ZNF208: variants seen among roughly 807,000 people sequenced by gnomAD.
ZNF208 encodes the protein zinc finger protein 95.
In ZNF208, 10 loss-of-function variants were observed where a neutral mutation model predicts 12.1. The ratio of observed to expected loss-of-function variants is 0.83; its 90% CI spans 0.51 to 1.40. The LOEUF (loss-of-function observed/expected upper bound fraction) is 1.40, where lower values mean the gene tolerates loss of function less well. ZNF208 is among the 40% of genes most tolerant of loss of function. The probability of loss-of-function intolerance (pLI) is 0.00; values close to 1 mark genes in which losing one functional copy is unlikely to be tolerated. For missense variants in ZNF208, 1,652 were observed against 1,485.0 expected (o/e 1.11, Z -1.85); for synonymous variants, 497 against 488.4 (o/e 1.02, Z -0.23).
downstream of ZNF208, among the ~76,000 whole-genome samples, chr19:21,964,109 C>A (rs561454757): frequency 6.6e-6 from 1 of 151,866 alleles, no homozygotes; most frequent in Non-Finnish European, 1.5e-5. Flanking sequence ...TAAATATGTG[C>A]AACTGTGATT....
In ZNF208 at chr19:21,978,931, A is replaced by G. The variant is rs115096572; in HGVS notation, c.227-4124T>C. On this transcript the variant is annotated intron_variant, in intron 3 of 3. Transcript: ENST00000397126. The stretch of plus-strand genomic sequence containing the variant: ...ACACCACGAGAACTTCATGAAGCAT[A>G]CACAAATGTCAACAGCTGAATCGAT... Among the ~76,000 whole-genome samples the G allele has an allele frequency of 7.7e-3, 1,170 of 152,342 alleles. 9 individuals carry two copies. The highest frequency in any genetic ancestry group is 0.026 in the African/African-American group (1,096 of 41,570).
chr19:22,008,196 A>G (rs576618549), intron 1 of ZNF208, among the ~76,000 whole-genome samples: 13 of 148,170 alleles, frequency 8.8e-5, no homozygotes, highest in South Asian at 2.2e-4. Context: ...CCAGCTACTC[A>G]GGAGGCTGAG....
Position 21,973,534 on chromosome 19 carries a change from T to G in ZNF208, c.1500A>C (p.Glu500Asp). ...THAGEKPYKC[E>D]ECGKAFNWSS... is the part of the protein sequence containing the mutation. ...ACCAGTTGAAAGCTTTGCCACATTC[T>G]TCACATTTGTAGGGTTTCTCTCCAG... The change falls in exon 4 of 4, where the codon GAA (glutamate) becomes GAC (aspartate). Residue 500 changes from glutamate (E) to aspartate (D), a missense_variant. Transcript: ENST00000397126. The G allele has an allele frequency of 6.2e-7, 1 of 1,613,398 alleles. No individual in the cohort carries two copies. Among genetic ancestry groups the G allele is most frequent in the Non-Finnish European group, 8.5e-7 (1 of 1,179,850 alleles).
At chr19:21,991,137 A>G (rs1232997908) in intron 1 of ZNF208, among the ~76,000 whole-genome samples, 1 of 152,128 alleles carries the variant, frequency 6.6e-6, no homozygotes, top group Non-Finnish European at 1.5e-5. Flanking sequence ...AACTTCCAAC[A>G]CTATGTTGAA....
At chr19:21,984,283 G>A (rs1271659452) in intron 3 of ZNF208, among the ~76,000 whole-genome samples, 2 of 152,076 alleles carry the variant, frequency 1.3e-5, no homozygotes, top group East Asian at 1.9e-4. Context: ...TGCCAGGTGC[G>A]GTGGCTCATG....
chr19:21,961,385 AG>A (rs1970066528), downstream of ZNF208, among the ~76,000 whole-genome samples: 1 of 152,168 alleles, frequency 6.6e-6, no homozygotes, highest in Non-Finnish European at 1.5e-5. Flanking sequence ...CATGCTTCTG[AG>A]GAAATAGGGC....
At chr19:22,009,746 CAAA>C (rs567429006) in intron 1 of ZNF208, among the ~76,000 whole-genome samples, 3 of 108,180 alleles carry the variant, frequency 2.8e-5, no homozygotes, top group African/African-American at 3.7e-5. Flanking sequence ...GACTTGGTCT[CAAA>C]AAAAAAAAAA....
At chr19:21,985,064 C>T (rs1970610864) in intron 3 of ZNF208, among the ~76,000 whole-genome samples, 1 of 152,056 alleles carries the variant, frequency 6.6e-6, no homozygotes, top group Non-Finnish European at 1.5e-5. Flanking sequence ...TGGAATATCA[C>T]TCAGTTTTAA....
In ZNF208 at chr19:21,971,746, C is replaced by G. The variant is rs765612978; in HGVS notation, c.3288G>C (p.Trp1096Cys). The G allele has an allele frequency of 1.7e-5, 27 of 1,613,402 alleles. No homozygotes were observed. The South Asian group carries it at 2.7e-4, about 16-fold the overall frequency. Residue 1096 changes from tryptophan to cysteine, a missense_variant, in exon 4 of 4, where the codon TGG becomes TGC. Trp to Cys is a radical substitution (Grantham distance 215). Transcript: ENST00000397126. ...TCTTATGTTCCATAAGGTTTGAGGA[C>G]CAGTTGAAAGCTTTGCCACATTCTT... is the stretch of plus-strand genomic sequence containing the variant. ...KCEECGKAFNWSSNLMEHKRI... is the reference protein window; with the variant it reads ...KCEECGKAFNCSSNLMEHKRI...
chr19:21,951,242 A>C (rs903549058), intron 4 of ZNF208, among the ~76,000 whole-genome samples: 13 of 152,338 alleles, frequency 8.5e-5, no homozygotes, highest in African/African-American at 1.4e-4. Flanking sequence ...GGAAGAAGTC[A>C]GACTTTATCT....
Position 21,949,653 on chromosome 19 carries a change from T to G in ZNF208, c.306-16416A>C, listed in dbSNP as rs114383896. Among the ~76,000 whole-genome samples, 376 of 152,270 alleles carry G rather than the reference T, an allele frequency of 2.5e-3. 2 individuals are homozygous for G. Among genetic ancestry groups the G allele is most frequent in the African/African-American group, 8.3e-3 (344 of 41,544 alleles). On this transcript the variant is annotated intron_variant, in intron 4 of 4. Transcript: ENST00000599916. ...AAAGCACCAACCCTCAGTCTTCCCATAAGGAAGGCATTTAATCTCTATGTA... is the reference window on the plus strand; with the variant it reads ...AAAGCACCAACCCTCAGTCTTCCCAGAAGGAAGGCATTTAATCTCTATGTA...
intron 4 of ZNF208, among the ~76,000 whole-genome samples, chr19:21,952,000 C>T (rs1284960526): frequency 2.0e-5 from 3 of 152,226 alleles, no homozygotes; most frequent in Admixed American, 1.3e-4. Context: ...GATTCTCTCC[C>T]GTACCTGGCT....
chr19:21,987,928 C>T (rs1465479702), intron 2 of ZNF208, among the ~76,000 whole-genome samples: 1 of 152,154 alleles, frequency 6.6e-6, no homozygotes, highest in Admixed American at 6.5e-5. Flanking sequence ...TGGCACCCCA[C>T]CCTTTGTGCA....
chr19:21,945,809 C>G (rs1201026272), intron 4 of ZNF208, among the ~76,000 whole-genome samples: 1 of 152,008 alleles, frequency 6.6e-6, no homozygotes, highest in Non-Finnish European at 1.5e-5. Flanking sequence ...GAGACATTAG[C>G]TAGCTTGCCT....
intron 1 of ZNF208, among the ~76,000 whole-genome samples, chr19:21,996,603 A>T (rs1469091674): frequency 6.6e-6 from 1 of 152,202 alleles, no homozygotes; most frequent in African/African-American, 2.4e-5. Flanking sequence ...GATTTAGAAT[A>T]CGGAGCTGCA....
Position 21,982,215 on chromosome 19 carries a change from G to A in ZNF208, c.226+5001C>T, listed in dbSNP as rs186868009. On this transcript the variant is annotated intron_variant, in intron 3 of 3. Coordinates refer to ENST00000397126, the MANE Select transcript of ZNF208 (RefSeq NM_007153.3). ...TACTAAAAACACAAAAAAATTAGCC[G>A]GGCATGGTGGCAGGCGCCTGTAGTC... Among the ~76,000 whole-genome samples the A allele has an allele frequency of 3.4e-3, 511 of 151,912 alleles. 2 individuals carry two copies. The highest frequency in any genetic ancestry group is 5.9e-3 in the Non-Finnish European group (401 of 67,964).
chr19:21,997,501 C>T (rs926584477), intron 1 of ZNF208: 1 of 152,146 alleles, frequency 6.6e-6, no homozygotes, highest in African/African-American at 2.4e-5. Context: ...TGGGCTAGAG[C>T]ACTCCTGCTT....
intron 3 of ZNF208, among the ~76,000 whole-genome samples, chr19:21,982,222 G>A (rs958842136): frequency 6.6e-5 from 10 of 151,928 alleles, no homozygotes; most frequent in Non-Finnish European, 1.5e-4. Context: ...GCCGGGCATG[G>A]TGGCAGGCGC....
rs1970325318 is a variant in ZNF208, at chr19:21,972,734, T to C, written c.2300A>G (p.His767Arg). 3.8e-6 allele frequency: 6 copies of C among 1,589,202 alleles called. No homozygotes were observed. Among genetic ancestry groups the C allele is most frequent in the Non-Finnish European group, 5.1e-6 (6 of 1,166,166 alleles). ...AYKWSSTLSY[H>R]KKIHTVEKPY... The stretch of plus-strand genomic sequence containing the variant: ...TTTCTCTACAGTATGAATTTTCTTA[T>C]GATAACTAAGGGTTGAGGACCACTT... Residue 767 changes from histidine to arginine, a missense_variant, in exon 4 of 4, where the codon CAT becomes CGT. By Grantham distance (29) the His-to-Arg change is conservative. Around this residue, in one of 3 missense-constraint regions of ZNF208, gnomAD observed 1,239 missense variants for 1,086.2 expected, o/e 1.14. Coordinates refer to ENST00000397126, the MANE Select transcript of ZNF208 (RefSeq NM_007153.3).
Sources: gnomAD v4.1 joint callset for allele counts (sites outside exome capture counted in the v4.1 genomes callset) on GRCh38, gnomAD v4.1.1 for gene constraint, gnomAD v4.1.1 regional missense constraint, MANE v1.5 for transcripts, NCBI Gene and HGNC (gene_info 2026-07-23, HGNC 2026-07-21) for gene names.